The following MOGAT1 variants were observed in gnomAD, a reference collection of about 807,000 sequenced individuals.
MOGAT1 encodes the protein 2-acylglycerol O-acyltransferase 1.
MOGAT1 carries 32 observed loss-of-function variants against 31.4 expected under a neutral mutation model. The ratio of observed to expected loss-of-function variants is 1.02; its 90% CI spans 0.77 to 1.37. The LOEUF (loss-of-function observed/expected upper bound fraction) is 1.37. Among genes scored for constraint, MOGAT1 ranks in the 40% most tolerant of loss-of-function variants. The probability of loss-of-function intolerance (pLI) is 0.00; values close to 1 mark genes in which losing one functional copy is unlikely to be tolerated. For missense variants in MOGAT1, 426 were observed against 402.0 expected, an observed-to-expected ratio of 1.06 and a Z score of -0.51; for synonymous variants, 145 against 144.5, an observed-to-expected ratio of 1.00 and a Z score of -0.03.
Position 222,688,517 on chromosome 2 carries a change from A to T in MOGAT1, c.268A>T (p.Ile90Phe). The T allele has an allele frequency of 6.2e-7, 1 of 1,606,736 alleles. No individual in the cohort carries two copies. Among genetic ancestry groups the T allele is most frequent in the African/African-American group, 1.3e-5 (1 of 74,650 alleles). Residue 90 changes from isoleucine to phenylalanine, a missense_variant, in exon 2 of 6, where the codon ATT becomes TTT. Coordinates refer to ENST00000446656, the MANE Select transcript of MOGAT1 (RefSeq NM_058165.3). ...GAAACACTTTAAGGACTATTTTCCA[A>T]TTCATGTGAGTACAGTTGTTTTATA... is the stretch of plus-strand genomic sequence containing the variant. The part of the protein sequence containing the change: ...LWKHFKDYFP[I>F]HLIKTQDLDP...
At chr2:222,679,065 T>C (rs1246414328) in intron 1 of MOGAT1, among the ~76,000 whole-genome samples, 1 of 152,248 alleles carries the variant, frequency 6.6e-6, no homozygotes, top group African/African-American at 2.4e-5. Context: ...GGGTTAATTT[T>C]TGTGTGTGGT....
chr2:222,703,293 C>G (rs1176975921), intron 5 of MOGAT1, among the ~76,000 whole-genome samples: 1 of 152,212 alleles, frequency 6.6e-6, no homozygotes, highest in African/African-American at 2.4e-5. Flanking sequence ...TTCCTTCCTT[C>G]CTGCTATAGG....
At position 222,694,353 on chromosome 2, in the gene MOGAT1, T is replaced by C; in HGVS notation, c.479-9T>C. 1 of 1,590,124 alleles carries C rather than the reference T, an allele frequency of 6.3e-7. No individual in the cohort carries two copies. Among genetic ancestry groups the C allele is most frequent in the Non-Finnish European group, 8.6e-7 (1 of 1,169,212 alleles). ...GGATAACTAGTTACTTTTTGTTTTA[T>C]TCACTAAGGGCTGGTTTCAGTTTCC... On this transcript the variant is annotated splice_polypyrimidine_tract_variant and intron_variant, in intron 3 of 5. Transcript: ENST00000446656.
intron 1 of MOGAT1, among the ~76,000 whole-genome samples, chr2:222,676,837 TA>T (rs1378138003): frequency 6.6e-6 from 1 of 152,238 alleles, no homozygotes; most frequent in African/African-American, 2.4e-5. Context: ...GGGTATGCTC[TA>T]TAAACTTCAT....
At chr2:222,671,963 C>A (rs1692425588) in intron 1 of MOGAT1, 84 bp downstream of exon 1, 2 of 1,099,472 alleles carry the variant, frequency 1.8e-6, no homozygotes, top group South Asian at 2.8e-5. Flanking sequence ...CTGCATAGAA[C>A]CTTCCAACCC....
chr2:222,695,105 G>T lies in MOGAT1; in HGVS notation c.670G>T (p.Val224Leu). Residue 224 changes from valine to leucine, a missense_variant, in exon 5 of 6, where the codon GTG (valine) becomes TTG (leucine). Transcript: ENST00000446656. ...ALTHGASLVP[V>L]VSFGENELFK... ...TTATTGCAGCGCCTCTCTGGTCCCA[G>T]TGGTTTCTTTTGGTGAAAATGAACT... 1 of 1,603,756 alleles carries T rather than the reference G, an allele frequency of 6.2e-7. No individual in the cohort carries two copies.
At chr2:222,674,282 G>A (rs1184198170) in intron 1 of MOGAT1, among the ~76,000 whole-genome samples, 1 of 152,136 alleles carries the variant, frequency 6.6e-6, no homozygotes, top group Non-Finnish European at 1.5e-5. Flanking sequence ...AGCATATTTT[G>A]TATTATATAT....
At position 222,709,827 on chromosome 2, in the gene MOGAT1, ATTGT is replaced by A. The variant is rs1693088270; in HGVS notation, c.949_952del (p.Phe317ArgfsTer17). On this transcript the variant is annotated frameshift_variant, in exon 6 of 6. Coordinates refer to ENST00000446656, the MANE Select transcript of MOGAT1 (RefSeq NM_058165.3). LOFTEE classifies it high-confidence loss of function. The stretch of plus-strand genomic sequence containing the variant: ...AGACCTATATGGAGGAACTTAGGAA[ATTGT>A]TTGAGGAACACAAAGGAAAGTATGG... The A allele has an allele frequency of 3.1e-6, 5 of 1,613,576 alleles. No individual in the cohort carries two copies. The highest frequency in any genetic ancestry group is 1.3e-5 in the African/African-American group (1 of 74,890).
At chr2:222,685,057 C>T (rs1251110652) in intron 1 of MOGAT1, among the ~76,000 whole-genome samples, 1 of 151,964 alleles carries the variant, frequency 6.6e-6, no homozygotes, top group Non-Finnish European at 1.5e-5. Context: ...TAATACCAAA[C>T]AGCTAATGTG....
intron 1 of MOGAT1, chr2:222,678,148 A>G (rs1194114658): frequency 6.0e-6 from 1 of 166,268 alleles, no homozygotes; most frequent in African/African-American, 2.4e-5. Context: ...TAGGAATCTT[A>G]AGTGATTGGG....
chr2:222,694,183 T>A (rs375435416), intron 3 of MOGAT1, among the ~76,000 whole-genome samples, 179 bp from the exon 4 acceptor site: 5 of 152,338 alleles, frequency 3.3e-5, no homozygotes, highest in East Asian at 3.9e-4. Context: ...TGTTAACTTA[T>A]TAATAGAATA....
intron 1 of MOGAT1, among the ~76,000 whole-genome samples, chr2:222,686,552 T>C (rs1327364663): frequency 6.6e-6 from 1 of 152,052 alleles, no homozygotes; most frequent in Non-Finnish European, 1.5e-5. Flanking sequence ...CAGATCTGGA[T>C]AGAAGAAAGC....
At chr2:222,704,179 C>T (rs1448295004) in intron 5 of MOGAT1, among the ~76,000 whole-genome samples, 2 of 152,246 alleles carry the variant, frequency 1.3e-5, no homozygotes, top group East Asian at 3.9e-4. Flanking sequence ...CTGATGCAGC[C>T]GAGTTTTTCC....
intron 1 of MOGAT1, among the ~76,000 whole-genome samples, chr2:222,675,609 A>T (rs551767393): frequency 1.1e-4 from 17 of 150,496 alleles, no homozygotes; most frequent in African/African-American, 3.9e-4. Flanking sequence ...CCTCCTGAGT[A>T]TCTGGGACTA....
At chr2:222,672,889 TTTA>T (rs58396282) in intron 1 of MOGAT1, among the ~76,000 whole-genome samples, 18,516 of 139,092 alleles carry the variant, frequency 0.13, 1,643 homozygotes, top group East Asian at 0.37. Flanking sequence ...CTGGAATTTG[TTTA>T]TTATTATTAT....
At chr2:222,680,548 G>A (rs116569909) in intron 1 of MOGAT1, among the ~76,000 whole-genome samples, 67 of 152,242 alleles carry the variant, frequency 4.4e-4, no homozygotes, top group African/African-American at 1.3e-3. Context: ...AAAACTCTGG[G>A]AGGCAAGTTC....
intron 2 of MOGAT1, 68 bp from the exon 3 acceptor site, chr2:222,689,197 T>C (rs1692722381): frequency 1.5e-6 from 2 of 1,345,374 alleles, no homozygotes; most frequent in Non-Finnish European, 2.0e-6. Context: ...ACTAGTCCTT[T>C]TGTTTCTCAT....
chr2:222,671,891 G>A lies in MOGAT1; in HGVS notation c.94+12G>A, dbSNP rs1559226122. The A allele has an allele frequency of 1.9e-6, 3 of 1,546,334 alleles. No individual in the cohort carries two copies. The highest frequency in any genetic ancestry group is 1.8e-6 in the Non-Finnish European group (2 of 1,142,822). On this transcript the variant is annotated intron_variant, in intron 1 of 5. Coordinates refer to ENST00000446656, the MANE Select transcript of MOGAT1 (RefSeq NM_058165.3). ...ATACCTGCTGCTCGGTAAGGACCCC[G>A]CCCCCCGGGCCGCGGGGCTTGGGCT... is the stretch of plus-strand genomic sequence containing the variant.
intron 4 of MOGAT1, 21 bp from the exon 5 acceptor site, chr2:222,695,068 C>A: frequency 6.5e-7 from 1 of 1,548,894 alleles, no homozygotes; most frequent in Non-Finnish European, 8.7e-7. Context: ...AAATTCTCAC[C>A]CGTCCCCTTT....
Sources: allele counts gnomAD v4.1 joint callset (sites outside exome capture counted in the v4.1 genomes callset), GRCh38; gene constraint gnomAD v4.1.1; transcripts MANE v1.5; gene names NCBI Gene and HGNC (gene_info 2026-07-23, HGNC 2026-07-21).